The following ERC2 variants were observed in gnomAD, a reference collection of about 807,000 sequenced individuals.
ERC2 encodes ELKS/RAB6-interacting/CAST family member 2.
ERC2 carries 42 observed loss-of-function variants against 114.8 expected under a neutral mutation model. The ratio of observed to expected loss-of-function variants is 0.37; its 90% confidence interval spans 0.29 to 0.47. The LOEUF is 0.47. Among genes scored for constraint, ERC2 ranks in the 20% least tolerant of loss-of-function variants. The pLI, the probability that ERC2 is intolerant of heterozygous loss-of-function variation, is 0.99. For synonymous variants in ERC2, 454 were observed against 425.5 expected, an observed-to-expected ratio of 1.07 and a Z score of -0.82; for missense variants, 939 against 1,150.7, an observed-to-expected ratio of 0.82 and a Z score of 2.66.
At chr3:56,335,133 C>G (rs1166762927) in intron 2 of ERC2, among the ~76,000 whole-genome samples, 3 of 152,194 alleles carry the variant, frequency 2.0e-5, no homozygotes, top group Non-Finnish European at 4.4e-5. Flanking sequence ...GGGCATAGGG[C>G]ATCTAAGCCC....
intron 15 of ERC2, among the ~76,000 whole-genome samples, chr3:55,709,896 G>C (rs564104029): frequency 6.6e-6 from 1 of 152,180 alleles, no homozygotes; most frequent in Admixed American, 6.5e-5. Context: ...GGCCCTTGGA[G>C]GGGGAACAAA....
chr3:56,212,931 G>C (rs1442900217), intron 3 of ERC2, among the ~76,000 whole-genome samples: 3 of 152,164 alleles, frequency 2.0e-5, no homozygotes, highest in Non-Finnish European at 4.4e-5. Flanking sequence ...CTCAGGAATG[G>C]AAAAACAAAC....
At chr3:56,191,479 A>G (rs921668686) in intron 3 of ERC2, among the ~76,000 whole-genome samples, 1 of 152,028 alleles carries the variant, frequency 6.6e-6, no homozygotes, top group African/African-American at 2.4e-5. Context: ...TCTCTCACAC[A>G]ACCTTCACTC....
intron 2 of ERC2, among the ~76,000 whole-genome samples, chr3:56,422,977 G>C (rs1390410572): frequency 6.6e-6 from 1 of 152,170 alleles, no homozygotes; most frequent in Non-Finnish European, 1.5e-5. Context: ...AAAGTGTAAA[G>C]AAATTATAGT....
At chr3:56,348,071 A>C (rs1035916254) in intron 2 of ERC2, among the ~76,000 whole-genome samples, 1 of 152,182 alleles carries the variant, frequency 6.6e-6, no homozygotes, top group East Asian at 1.9e-4. Context: ...TGTTGTTCTC[A>C]AATACTACAG....
intron 2 of ERC2, among the ~76,000 whole-genome samples, chr3:56,397,362 AAAAG>A (rs2060350411): frequency 1.3e-5 from 2 of 149,790 alleles, no homozygotes; most frequent in African/African-American, 4.9e-5. Flanking sequence ...AAAAAAAAAA[AAAAG>A]AAGAAGAAGA....
At chr3:55,924,167 C>T (rs1412694044) in intron 13 of ERC2, among the ~76,000 whole-genome samples, 2 of 152,030 alleles carry the variant, frequency 1.3e-5, no homozygotes, top group African/African-American at 4.8e-5. Flanking sequence ...GATTCTAGTA[C>T]ATATAATATA....
chr3:55,697,990 T>C (rs1470927665), intron 16 of ERC2, among the ~76,000 whole-genome samples: 2 of 151,714 alleles, frequency 1.3e-5, no homozygotes, highest in Non-Finnish European at 2.9e-5. Flanking sequence ...GTAGTGGTGG[T>C]GGTGGTGATG....
chr3:56,312,655 C>G (rs2056648126), intron 2 of ERC2, among the ~76,000 whole-genome samples: 1 of 149,994 alleles, frequency 6.7e-6, no homozygotes, highest in South Asian at 2.1e-4. Context: ...AATGCCAGTT[C>G]TAGGCATTAC....
At chr3:56,174,675 C>T (rs895661851) in intron 3 of ERC2, among the ~76,000 whole-genome samples, 2 of 152,160 alleles carry the variant, frequency 1.3e-5, no homozygotes, top group African/African-American at 4.8e-5. Context: ...CTATCACTGT[C>T]ACTTCAAAAA....
intron 2 of ERC2, among the ~76,000 whole-genome samples, chr3:56,348,901 AAGGAAAGAAGGAAG>A (rs1560642439): frequency 2.8e-3 from 91 of 33,066 alleles, no homozygotes; most frequent in South Asian, 3.3e-3. Context: ...GGAAGGAAGG[AAGGAAAGAAGGAAG>A]GAAGGAAGGA....
At chr3:56,202,275 A>T (rs1487017545) in intron 3 of ERC2, among the ~76,000 whole-genome samples, 1 of 152,210 alleles carries the variant, frequency 6.6e-6, no homozygotes, top group Non-Finnish European at 1.5e-5. Flanking sequence ...CATGTTGAGG[A>T]TAAAAACTAA....
At chr3:55,954,122 G>A (rs1351714590) in intron 12 of ERC2, among the ~76,000 whole-genome samples, 1 of 141,620 alleles carries the variant, frequency 7.1e-6, no homozygotes, top group Non-Finnish European at 1.5e-5. Context: ...AGGTTTCTTT[G>A]GGGTGAAATT....
At chr3:56,203,734 A>T (rs2048537230) in intron 3 of ERC2, among the ~76,000 whole-genome samples, 1 of 152,244 alleles carries the variant, frequency 6.6e-6, no homozygotes, top group South Asian at 2.1e-4. Flanking sequence ...AGGAATGATG[A>T]TACTATTTAC....
At chr3:55,749,789 C>T (rs931124616) in intron 14 of ERC2, among the ~76,000 whole-genome samples, 1 of 152,132 alleles carries the variant, frequency 6.6e-6, no homozygotes, top group African/African-American at 2.4e-5. Context: ...AAGCTTTGTC[C>T]CTTCACTCTT....
At chr3:56,272,368 G>A (rs2053710458) in intron 3 of ERC2, among the ~76,000 whole-genome samples, 2 of 152,316 alleles carry the variant, frequency 1.3e-5, no homozygotes, top group Admixed American at 6.5e-5. Context: ...GCATCACCAA[G>A]GCTGTTGCCT....
intron 14 of ERC2, among the ~76,000 whole-genome samples, chr3:55,738,348 T>C (rs1471863940): frequency 6.6e-6 from 1 of 150,800 alleles, no homozygotes; most frequent in Non-Finnish European, 1.5e-5. Context: ...GAATAAGACA[T>C]TTTTTAACTT....
intron 6 of ERC2, among the ~76,000 whole-genome samples, chr3:56,105,515 T>C (rs1003632421): frequency 1.3e-5 from 2 of 152,072 alleles, no homozygotes; most frequent in African/African-American, 4.8e-5. Flanking sequence ...GGGGTCTTGC[T>C]ACATTGCCCA....
chr3:55,875,857 T>C (rs1190021755), intron 14 of ERC2, among the ~76,000 whole-genome samples: 1 of 151,974 alleles, frequency 6.6e-6, no homozygotes, highest in African/African-American at 2.4e-5. Context: ...CCCTGTGCTT[T>C]TCAAGGCACC....
Sources: allele counts gnomAD v4.1 joint callset (sites outside exome capture counted in the v4.1 genomes callset), GRCh38; gene constraint gnomAD v4.1.1; transcripts MANE v1.5; gene names NCBI Gene and HGNC (gene_info 2026-07-23, HGNC 2026-07-21).